The following PCDHAC1 variants were observed in gnomAD, a reference collection of about 807,000 sequenced individuals.
The protein encoded by PCDHAC1 is protocadherin alpha subfamily C, 1.
Under a neutral mutation model 60.0 loss-of-function variants are expected in PCDHAC1, and 42 were observed. The ratio of observed to expected loss-of-function variants is 0.70; its 90% CI spans 0.55 to 0.90. PCDHAC1 has a LOEUF of 0.90. PCDHAC1 is among the 40% of genes least tolerant of loss of function. PCDHAC1 has a pLI of 0.00. For synonymous variants in PCDHAC1, 468 were observed against 499.3 expected, an observed-to-expected ratio of 0.94 and a Z score of 0.84; for missense variants, 1,160 against 1,222.3, an observed-to-expected ratio of 0.95 and a Z score of 0.76.
chr5:140,955,867 C>T (rs1208648426), intron 1 of PCDHAC1, among the ~76,000 whole-genome samples: 1 of 152,136 alleles, frequency 6.6e-6, no homozygotes, highest in Non-Finnish European at 1.5e-5. Context: ...CTTCACTTCC[C>T]TTTTTAGCTG....
chr5:141,004,037 G>C (rs946974688), intron 3 of PCDHAC1, among the ~76,000 whole-genome samples: 1 of 152,200 alleles, frequency 6.6e-6, no homozygotes, highest in African/African-American at 2.4e-5. Context: ...TTCCTTGATT[G>C]ATCATTTGCT....
At chr5:140,947,635 G>T (rs1170525936) in intron 1 of PCDHAC1, among the ~76,000 whole-genome samples, 1 of 151,538 alleles carries the variant, frequency 6.6e-6, no homozygotes, top group Non-Finnish European at 1.5e-5. Flanking sequence ...TCATCAGATC[G>T]TATGAACATA....
In PCDHAC1 at chr5:140,982,645, G is replaced by A. The variant is rs2096993238; in HGVS notation, c.2581+82G>A. 3.3e-6 allele frequency: 5 copies of A among 1,522,444 alleles called. No homozygotes were observed. In the East Asian group the frequency reaches 1.2e-4, roughly 36 times the overall value. 94.3% of individuals were successfully genotyped at this position (1,522,444 alleles called of 1,614,324 possible). A position where few individuals can be genotyped will look rare whatever the true frequency, so the allele number is the denominator to read the frequency against. On this transcript the variant is annotated intron_variant, in intron 3 of 3. Transcript: ENST00000253807. ...CTACTTTTGTAAGATCAGGAATGTT[G>A]ATGGCTCTTTTTCTTTTATATTTTT...
intron 1 of PCDHAC1, among the ~76,000 whole-genome samples, chr5:140,950,183 GA>G (rs879992336): frequency 5.9e-5 from 9 of 151,666 alleles, no homozygotes; most frequent in African/African-American, 1.7e-4. Context: ...AATTAAGAAG[GA>G]AAAAAATAGT....
chr5:140,982,413 G>A, intron 2 of PCDHAC1, 62 bp from the exon 3 acceptor site: 2 of 1,609,608 alleles, frequency 1.2e-6, no homozygotes, highest in Non-Finnish European at 1.7e-6. Flanking sequence ...TTCTGAGGGT[G>A]GAAGAAGAGA....
At chr5:140,976,666 A>G (rs1260651584) in intron 1 of PCDHAC1, among the ~76,000 whole-genome samples, 4 of 152,188 alleles carry the variant, frequency 2.6e-5, no homozygotes, top group African/African-American at 9.6e-5. Flanking sequence ...CAAAGTTCAG[A>G]TGTCTCATTT....
intron 3 of PCDHAC1, among the ~76,000 whole-genome samples, chr5:140,983,637 T>G (rs1306208906): frequency 6.6e-6 from 1 of 152,232 alleles, no homozygotes; most frequent in Non-Finnish European, 1.5e-5. Context: ...TGTACCCAAG[T>G]TCACGTAGCT....
Position 140,928,321 on chromosome 5 carries a change from A to G in PCDHAC1, c.1429A>G (p.Asn477Asp), listed in dbSNP as rs1296238254. Residue 477 changes from asparagine to aspartate, a missense_variant, in exon 1 of 4, where the codon AAT becomes GAT. Asn to Asp is a conservative substitution (Grantham distance 23). Coordinates refer to ENST00000253807, the MANE Select transcript of PCDHAC1 (RefSeq NM_018898.5). ...VFAQDPDLGK[N>D]GLVSYELLDV... The stretch of plus-strand genomic sequence containing the variant: ...TGCCCAGGACCCCGACCTGGGGAAG[A>G]ATGGCCTTGTCTCTTATGAGCTGTT... 1 of 1,614,162 alleles carries G rather than the reference A, an allele frequency of 6.2e-7. No individual in the cohort carries two copies. Among genetic ancestry groups the G allele is most frequent in the Non-Finnish European group, 8.5e-7 (1 of 1,180,026 alleles).
rs1563104997 is a variant in PCDHAC1, at chr5:140,928,426, T to G, written c.1534T>G (p.Ser512Ala). 2 of 1,614,134 alleles carry G rather than the reference T, an allele frequency of 1.2e-6. No homozygotes were observed. Among genetic ancestry groups the G allele is most frequent in the Non-Finnish European group, 1.7e-6 (2 of 1,180,016 alleles). The change falls in exon 1 of 4, where the codon TCC becomes GCC. Residue 512 changes from serine (S) to alanine (A), a missense_variant. This residue lies in a region of PCDHAC1 where 1,113 missense variants were observed against 1,163.7 expected (regional missense o/e 0.96). Coordinates refer to ENST00000253807, the MANE Select transcript of PCDHAC1 (RefSeq NM_018898.5). ...CAGTGGGGCCATCACTGCCAAAACT[T>G]CCTTTGACTTTGAGCAGCTCAGGGG... ...SSSGAITAKTSFDFEQLRGFH... is the reference protein window; with the variant it reads ...SSSGAITAKTAFDFEQLRGFH...
At chr5:140,967,481 G>C (rs1554229603) in intron 1 of PCDHAC1, 2 of 1,613,426 alleles carry the variant, frequency 1.2e-6, no homozygotes, top group Admixed American at 1.7e-5. Flanking sequence ...AGCCCGCTCG[G>C]GTACGGCACA....
At chr5:140,962,224 A>C (rs2095665980) in intron 1 of PCDHAC1, among the ~76,000 whole-genome samples, 1 of 152,152 alleles carries the variant, frequency 6.6e-6, no homozygotes. Flanking sequence ...TTGAGGTTCA[A>C]GTTTCACTTA....
At position 140,978,454 on chromosome 5, in the gene PCDHAC1, C is replaced by T. The variant is rs980177257; in HGVS notation, c.2434-495C>T. Among the ~76,000 whole-genome samples, 5 of 152,314 alleles carry T rather than the reference C, an allele frequency of 3.3e-5. No individual in the cohort carries two copies. The South Asian group carries it at 8.3e-4, about 25-fold the overall frequency. ...TGCTGGTGTTATGACTGGGCACATC[C>T]GCCCTGGGTCAAATATGCTGCAGTC... On this transcript the variant is annotated intron_variant, in intron 1 of 3. Coordinates refer to ENST00000253807, the MANE Select transcript of PCDHAC1 (RefSeq NM_018898.5).
chr5:140,954,016 A>G (rs246027), intron 1 of PCDHAC1, among the ~76,000 whole-genome samples: 85,628 of 151,968 alleles, frequency 0.56, 24,747 homozygotes, highest in African/African-American at 0.69. Context: ...GCTCCCACAC[A>G]TAGTGGGACG....
Position 140,926,973 on chromosome 5 carries a change from G to A in PCDHAC1, c.81G>A (p.Pro27=). 3 of 1,609,762 alleles carry A rather than the reference G, an allele frequency of 1.9e-6. No individual in the cohort carries two copies. The highest frequency in any genetic ancestry group is 1.3e-5 in the African/African-American group (1 of 74,998). Residue 27 remains proline (P), a synonymous_variant, in exon 1 of 4, where the codon CCG becomes CCA. Coordinates refer to ENST00000253807, the MANE Select transcript of PCDHAC1 (RefSeq NM_018898.5). ...CGGGACAGCTCGAGTACTCAGTGCC[G>A]GAGGAGACGGAGCGGGGCGTAGCCG... ...AAAGQLEYSV[P]EETERGVAVG...
chr5:140,988,495 G>GT (rs2097300130), intron 3 of PCDHAC1, among the ~76,000 whole-genome samples: 1 of 152,158 alleles, frequency 6.6e-6, no homozygotes, highest in Non-Finnish European at 1.5e-5. Context: ...CTACCTAGGA[G>GT]AAGCCATGAA....
intron 3 of PCDHAC1, among the ~76,000 whole-genome samples, chr5:140,985,402 C>T (rs1554247027): frequency 6.6e-6 from 1 of 152,118 alleles, no homozygotes; most frequent in African/African-American, 2.4e-5. Context: ...CAACTGTTCC[C>T]CTGGAAATGG....
At chr5:140,943,893 A>AT (rs1364551909) in intron 1 of PCDHAC1, among the ~76,000 whole-genome samples, 3 of 152,226 alleles carry the variant, frequency 2.0e-5, no homozygotes, top group Non-Finnish European at 4.4e-5. Flanking sequence ...ACTGGTCATT[A>AT]TGATGTCATG....
intron 3 of PCDHAC1, among the ~76,000 whole-genome samples, chr5:140,992,482 G>A (rs1187706188): frequency 6.6e-6 from 1 of 152,164 alleles, no homozygotes; most frequent in Non-Finnish European, 1.5e-5. Flanking sequence ...TCACCCAGAG[G>A]CCAATCTGTA....
rs550251743 is a variant in PCDHAC1, at chr5:140,929,064, T to A, written c.2172T>A (p.Asp724Glu). 6.2e-7 allele frequency: 1 copy of A among 1,614,162 alleles called. No homozygotes were observed. Among genetic ancestry groups the A allele is most frequent in the South Asian group, 1.1e-5 (1 of 91,078 alleles). Residue 724 changes from aspartate to glutamate, a missense_variant, in exon 1 of 4, where the codon GAT (aspartate) becomes GAA (glutamate). Around this residue, in one of 3 missense-constraint regions of PCDHAC1, gnomAD observed 1,113 missense variants for 1,163.7 expected, o/e 0.96. Transcript: ENST00000253807. The stretch of plus-strand genomic sequence containing the variant: ...AGAGCTGCTGTCGCTCTACAGAGGA[T>A]CTGAGGTATGGAAGTAAGATGGTTT... ...CAQSCCRSTE[D>E]LRYGSKMVSN... is the part of the protein sequence containing the mutation.
Sources: gnomAD v4.1 joint callset for allele counts (sites outside exome capture counted in the v4.1 genomes callset) on GRCh38, gnomAD v4.1.1 for gene constraint, gnomAD v4.1.1 regional missense constraint, MANE v1.5 for transcripts, NCBI Gene and HGNC (gene_info 2026-07-23, HGNC 2026-07-21) for gene names.